PLA2G4A: variants seen among roughly 807,000 people sequenced by gnomAD.
The protein encoded by PLA2G4A is phospholipase A2 group IVA, also known as cytosolic phospholipase A2.
In PLA2G4A, 40 loss-of-function variants were observed where a neutral mutation model predicts 81.9. The observed-to-expected ratio is 0.49, with a 90% confidence interval of 0.38 to 0.64. The LOEUF (loss-of-function observed/expected upper bound fraction) is 0.64, where lower values mean the gene tolerates loss of function less well. PLA2G4A is among the 30% of genes least tolerant of loss of function. PLA2G4A has a pLI of 0.00. For synonymous variants in PLA2G4A, 302 were observed against 296.9 expected (o/e 1.02, Z -0.18); for missense variants, 715 against 905.1 (o/e 0.79, Z 2.69).
intron 3 of PLA2G4A, among the ~76,000 whole-genome samples, chr1:186,879,023 T>A (rs1653628230): frequency 6.6e-6 from 1 of 151,868 alleles, no homozygotes; most frequent in South Asian, 2.1e-4. Context: ...TATATCTTAA[T>A]ATTATAAAAT....
intron 1 of PLA2G4A, among the ~76,000 whole-genome samples, chr1:186,834,514 C>T (rs930518080): frequency 9.2e-5 from 14 of 151,824 alleles, no homozygotes; most frequent in African/African-American, 2.9e-4. Context: ...GAGTTAACAT[C>T]AGAAAAATTA....
Position 186,884,934 on chromosome 1 carries a change from G to A in PLA2G4A, c.116-8077G>A, listed in dbSNP as rs558400944. 3.3e-5 allele frequency among the ~76,000 whole-genome samples: 5 copies of A among 151,436 alleles called. No homozygotes were observed. In the East Asian group the frequency reaches 9.7e-4, roughly 29 times the overall value. On this transcript the variant is annotated intron_variant, in intron 3 of 17. Coordinates refer to ENST00000367466, the MANE Select transcript of PLA2G4A (RefSeq NM_024420.3). Reference sequence around the variant, plus strand: ...GAAGGAATAAGCTCATATTCTGCAAGCCACGTTTTCCCTCAGTCTATTAGT... The same window carrying A: ...GAAGGAATAAGCTCATATTCTGCAAACCACGTTTTCCCTCAGTCTATTAGT...
Position 186,854,370 on chromosome 1 carries a change from C to A in PLA2G4A, c.16C>A (p.Pro6Thr). The change falls in exon 2 of 18, where the codon CCT (proline) becomes ACT (threonine). Residue 6 changes from proline to threonine, a missense_variant. Transcript: ENST00000367466. The stretch of plus-strand genomic sequence containing the variant: ...TGAAACCAAAATGTCATTTATAGAT[C>A]CTTACCAGCACATTATAGTAAGTCA... MSFID[P>T]YQHIIVEHQY... 1 of 1,573,318 alleles carries A rather than the reference C, an allele frequency of 6.4e-7. No homozygotes were observed. Among genetic ancestry groups the A allele is most frequent in the Non-Finnish European group, 8.7e-7 (1 of 1,143,704 alleles).
chr1:186,944,135 A>G (rs973413236), intron 10 of PLA2G4A, among the ~76,000 whole-genome samples: 4 of 152,126 alleles, frequency 2.6e-5, no homozygotes, highest in Non-Finnish European at 5.9e-5. Flanking sequence ...TGGCCCGGGA[A>G]GAAGGGTGAT....
At chr1:186,849,291 C>A (rs1312402479) in intron 1 of PLA2G4A, among the ~76,000 whole-genome samples, 7 of 152,000 alleles carry the variant, frequency 4.6e-5, no homozygotes, top group Non-Finnish European at 1.0e-4. Flanking sequence ...TGGCCACTGA[C>A]TTAATGCCTC....
chr1:186,985,331 G>A (rs1382747442), intron 17 of PLA2G4A, among the ~76,000 whole-genome samples: 2 of 151,980 alleles, frequency 1.3e-5, no homozygotes, highest in African/African-American at 4.8e-5. Flanking sequence ...TATTTATTAT[G>A]TACCTTCCAT....
chr1:186,939,307 G>A, intron 9 of PLA2G4A, 77 bp downstream of exon 9: 4 of 630,646 alleles, frequency 6.3e-6, no homozygotes, highest in Admixed American at 3.0e-5. Flanking sequence ...TTAAATAAAA[G>A]AAAATGTAAT....
chr1:186,959,918 C>CGAAAGG lies in PLA2G4A; in HGVS notation c.1579+3574_1579+3575insGAAAGG, dbSNP rs1430199258. On this transcript the variant is annotated intron_variant, in intron 14 of 17. Coordinates refer to ENST00000367466, the MANE Select transcript of PLA2G4A (RefSeq NM_024420.3). ...CCCATGCCAAAAAAAAGATTTTTAT[C>CGAAAGG]TAATCTAGATATTAGGTTGGAAAAA... 1.5e-4 allele frequency among the ~76,000 whole-genome samples: 17 copies of CGAAAGG among 114,520 alleles called. 1 individual carries two copies. In the East Asian group the frequency reaches 4.1e-3, roughly 28 times the overall value. The allele number at this position is 114,520 out of a possible 152,430, so 75.1% of individuals were successfully genotyped here.
At chr1:186,891,426 C>A (rs1028975759) in intron 3 of PLA2G4A, among the ~76,000 whole-genome samples, 1 of 150,962 alleles carries the variant, frequency 6.6e-6, no homozygotes, top group Non-Finnish European at 1.5e-5. Flanking sequence ...TTTTTGTATC[C>A]ATTAACCATC....
At position 186,977,590 on chromosome 1, in the gene PLA2G4A, T is replaced by C. The variant is rs12720687; in HGVS notation, c.1765-3T>C. 4,710 of 1,603,026 alleles carry C rather than the reference T, an allele frequency of 2.9e-3. 79 individuals carry two copies. The East Asian group carries it at 0.036, about 12-fold the overall frequency. ...CAAATTCATCTTTCCATCTTTCCCA[T>C]AGGAACTTCTACTTGCAGAAAAGTG... On this transcript the variant is annotated splice_region_variant and splice_polypyrimidine_tract_variant and intron_variant, in intron 15 of 17. Transcript: ENST00000367466.
intron 7 of PLA2G4A, among the ~76,000 whole-genome samples, chr1:186,930,492 G>A (rs1475864395): frequency 6.6e-6 from 1 of 152,180 alleles, no homozygotes; most frequent in Non-Finnish European, 1.5e-5. Flanking sequence ...CAGGATTAGA[G>A]AAGCTCTTAT....
intron 7 of PLA2G4A, among the ~76,000 whole-genome samples, chr1:186,924,374 T>C (rs563181054): frequency 6.6e-6 from 1 of 152,322 alleles, no homozygotes; most frequent in South Asian, 2.1e-4. Context: ...GTTCTTGCCC[T>C]ATCTTACCTA....
rs543614823 is a variant in PLA2G4A, at chr1:186,988,652, G to T, written c.*144G>T. On this transcript the variant is annotated 3_prime_UTR_variant, in exon 18 of 18. Transcript: ENST00000367466. ...CAAAGTTGCAGTTACTTAGCTGCAT[G>T]AGAATAATACTATTATAAGTTAGGT... is the stretch of plus-strand genomic sequence containing the variant. The T allele has an allele frequency of 7.4e-4, 515 of 692,280 alleles. 2 individuals carry two copies. The African/African-American group carries it at 8.1e-3, about 11-fold the overall frequency. 42.9% of individuals were successfully genotyped at this position (692,280 alleles called of 1,614,324 possible).
intron 15 of PLA2G4A, among the ~76,000 whole-genome samples, chr1:186,972,470 C>T (rs1248447827): frequency 1.3e-5 from 2 of 151,952 alleles, no homozygotes; most frequent in African/African-American, 4.8e-5. Context: ...TGGGTTTTGT[C>T]GGGGAGCAAG....
intron 14 of PLA2G4A, among the ~76,000 whole-genome samples, chr1:186,963,282 G>A (rs188559222): frequency 6.6e-6 from 1 of 152,182 alleles, no homozygotes; most frequent in East Asian, 1.9e-4. Context: ...AAATTTCAGA[G>A]GAATAAATAT....
At chr1:186,892,576 G>C (rs1220466363) in intron 3 of PLA2G4A, among the ~76,000 whole-genome samples, 3 of 152,094 alleles carry the variant, frequency 2.0e-5, no homozygotes, top group South Asian at 2.1e-4. Context: ...GTATGTTCTT[G>C]GCACCTTTGT....
chr1:186,854,606 A>T (rs929122646), intron 2 of PLA2G4A, among the ~76,000 whole-genome samples: 4 of 151,988 alleles, frequency 2.6e-5, no homozygotes, highest in Admixed American at 2.6e-4. Flanking sequence ...GGAACTTGAA[A>T]GGAAAAAAAT....
intron 9 of PLA2G4A, 113 bp downstream of exon 9, chr1:186,939,343 T>C: frequency 2.0e-6 from 1 of 510,220 alleles, no homozygotes; most frequent in South Asian, 3.4e-5. Flanking sequence ...CAGTGGACTC[T>C]ACTTATTTGT....
intron 3 of PLA2G4A, among the ~76,000 whole-genome samples, chr1:186,892,713 T>C (rs1654188744): frequency 6.6e-6 from 1 of 152,172 alleles, no homozygotes; most frequent in Non-Finnish European, 1.5e-5. Context: ...CATCCTGTAG[T>C]AGCTTGACTG....
Sources: gnomAD v4.1 joint callset for allele counts (sites outside exome capture counted in the v4.1 genomes callset) on GRCh38, gnomAD v4.1.1 for gene constraint, MANE v1.5 for transcripts, NCBI Gene and HGNC (gene_info 2026-07-23, HGNC 2026-07-21) for gene names.